The following FOXN3 variants were observed in gnomAD, a reference collection of about 807,000 sequenced individuals.
The protein encoded by FOXN3 is forkhead box N3.
In FOXN3, 7 loss-of-function variants were observed where a neutral mutation model predicts 38.4. That is an observed-to-expected ratio of 0.18 (90% CI 0.10 to 0.34). The LOEUF (loss-of-function observed/expected upper bound fraction) is 0.34. FOXN3 is among the 10% of genes least tolerant of loss of function. The pLI, the probability that FOXN3 is intolerant of heterozygous loss-of-function variation, is 1.00. For synonymous variants in FOXN3, 230 were observed against 242.2 expected, an observed-to-expected ratio of 0.95 and a Z score of 0.47; for missense variants, 456 against 613.4, an observed-to-expected ratio of 0.74 and a Z score of 2.71.
At chr14:89,539,528 C>G (rs56290060) in intron 1 of FOXN3, among the ~76,000 whole-genome samples, 1 of 152,128 alleles carries the variant, frequency 6.6e-6, no homozygotes, top group Non-Finnish European at 1.5e-5. Context: ...TAAGTAGGGT[C>G]GATAACAAAA....
At chr14:89,571,445 G>C (rs935742897) in intron 1 of FOXN3, among the ~76,000 whole-genome samples, 1 of 151,336 alleles carries the variant, frequency 6.6e-6, no homozygotes, top group Admixed American at 6.6e-5. Context: ...GGAGGTGGAG[G>C]TTGCAGCGAG....
At chr14:89,370,341 CCAGCAAGAGG>C (rs1447138402) in intron 2 of FOXN3, among the ~76,000 whole-genome samples, 33 of 152,342 alleles carry the variant, frequency 2.2e-4, no homozygotes, top group Admixed American at 1.7e-3. Context: ...AAGATCACAA[CCAGCAAGAGG>C]CAGCAAGAGG....
chr14:89,336,495 G>T (rs1425009107), intron 3 of FOXN3, among the ~76,000 whole-genome samples: 1 of 152,194 alleles, frequency 6.6e-6, no homozygotes, highest in Non-Finnish European at 1.5e-5. Context: ...TGACCACAAG[G>T]TGGCAAATTA....
chr14:89,443,511 A>G (rs1596275744), intron 1 of FOXN3, among the ~76,000 whole-genome samples: 3 of 152,352 alleles, frequency 2.0e-5, no homozygotes, highest in South Asian at 4.1e-4. Flanking sequence ...AAAAGGAAAA[A>G]TACAAATAGT....
chr14:89,245,753 T>C (rs1244091161), intron 4 of FOXN3, among the ~76,000 whole-genome samples: 1 of 152,180 alleles, frequency 6.6e-6, no homozygotes, highest in Admixed American at 6.5e-5. Context: ...AAAGTGGAGC[T>C]TATTCTATGT....
In FOXN3 at chr14:89,161,657, T is replaced by C. The variant is rs1222948515; in HGVS notation, c.*757A>G. ...CTTTTGGAACATTTTCTTAATTTAATAGAGAACAGAATTCAATGATTAGCA... is the reference window on the plus strand; with the variant it reads ...CTTTTGGAACATTTTCTTAATTTAACAGAGAACAGAATTCAATGATTAGCA... On this transcript the variant is annotated 3_prime_UTR_variant, in exon 6 of 6. Transcript: ENST00000557258. 6.6e-6 allele frequency: 1 copy of C among 152,106 alleles called. No homozygotes were observed. Among genetic ancestry groups the C allele is most frequent in the African/African-American group, 2.4e-5 (1 of 41,178 alleles). 9.4% of individuals were successfully genotyped at this position (152,106 alleles called of 1,614,324 possible).
chr14:89,268,432 C>T (rs370651828), intron 4 of FOXN3, among the ~76,000 whole-genome samples: 3 of 152,314 alleles, frequency 2.0e-5, no homozygotes, highest in East Asian at 3.9e-4. Flanking sequence ...GTGCTGTATA[C>T]TTAGTTTAAC....
chr14:89,409,823 G>A (rs1891493764), intron 2 of FOXN3, among the ~76,000 whole-genome samples: 1 of 152,114 alleles, frequency 6.6e-6, no homozygotes, highest in African/African-American at 2.4e-5. Context: ...CTCAAAAAAA[G>A]CCAAGTCCAG....
chr14:89,391,665 G>A (rs796570202), intron 2 of FOXN3, among the ~76,000 whole-genome samples: 3 of 152,268 alleles, frequency 2.0e-5, no homozygotes, highest in African/African-American at 4.8e-5. Flanking sequence ...CAGCCTGGTT[G>A]GTTGGTGCCA....
intron 1 of FOXN3, among the ~76,000 whole-genome samples, chr14:89,527,659 A>C (rs986993974): frequency 6.6e-6 from 1 of 152,306 alleles, no homozygotes; most frequent in Middle Eastern, 3.4e-3. Context: ...ATGCCAATTA[A>C]ATCTACAATG....
At chr14:89,390,778 C>T (rs756531822) in intron 2 of FOXN3, among the ~76,000 whole-genome samples, 8 of 152,124 alleles carry the variant, frequency 5.3e-5, no homozygotes, top group Non-Finnish European at 1.0e-4. Flanking sequence ...AGAGGTGCCT[C>T]GGTTGAAGTT....
At chr14:89,292,357 CA>C (rs1182423876) in intron 3 of FOXN3, among the ~76,000 whole-genome samples, 6 of 152,204 alleles carry the variant, frequency 3.9e-5, no homozygotes, top group Non-Finnish European at 8.8e-5. Context: ...CTGGCACCGA[CA>C]GCGCAGCTTC....
intron 1 of FOXN3, among the ~76,000 whole-genome samples, chr14:89,525,065 C>T (rs565935376): frequency 5.9e-5 from 9 of 152,026 alleles, no homozygotes; most frequent in African/African-American, 1.7e-4. Context: ...TATAAAAGCG[C>T]GGGGCTGGGG....
intron 2 of FOXN3, among the ~76,000 whole-genome samples, chr14:89,385,058 C>T (rs1446638423): frequency 6.6e-6 from 1 of 152,152 alleles, no homozygotes; most frequent in South Asian, 2.1e-4. Flanking sequence ...TTTGCCTTGG[C>T]TGTCAGGCAC....
rs190374341 is a variant in FOXN3 at position 89,502,060 on chromosome 14, C to T, written c.-14-89570G>A. The stretch of plus-strand genomic sequence containing the variant: ...GCATGAGCCTGTAATCCCAGCTACG[C>T]GGGAGGCCTAAGCAGGGGAATCGCT... On this transcript the variant is annotated intron_variant, in intron 1 of 6. Transcript: ENST00000345097. Among the ~76,000 whole-genome samples the T allele has an allele frequency of 4.3e-3, 650 of 150,018 alleles. 4 individuals carry two copies. The highest frequency in any genetic ancestry group is 0.015 in the African/African-American group (628 of 40,726).
At chr14:89,534,788 G>A (rs926232566) in intron 1 of FOXN3, among the ~76,000 whole-genome samples, 3 of 152,186 alleles carry the variant, frequency 2.0e-5, no homozygotes, top group African/African-American at 4.8e-5. Context: ...GTATGAGAAC[G>A]GATGCGCTAG....
intron 3 of FOXN3, among the ~76,000 whole-genome samples, chr14:89,289,181 C>CAA (rs368044925): frequency 9.5e-6 from 1 of 105,102 alleles, no homozygotes; most frequent in Non-Finnish European, 1.9e-5. Context: ...AATTCTGTCT[C>CAA]AAAAAAAAAA....
chr14:89,452,607 C>T (rs1170402810), intron 1 of FOXN3, among the ~76,000 whole-genome samples: 1 of 152,124 alleles, frequency 6.6e-6, no homozygotes, highest in African/African-American at 2.4e-5. Flanking sequence ...AAGAAGTTTC[C>T]CCAGCCCTGG....
intron 4 of FOXN3, among the ~76,000 whole-genome samples, chr14:89,195,222 C>T (rs1765324302): frequency 6.6e-6 from 1 of 152,220 alleles, no homozygotes; most frequent in South Asian, 2.1e-4. Context: ...CCAAACACCC[C>T]TCCCTTTGAT....
Sources: gnomAD v4.1 joint callset for allele counts (sites outside exome capture counted in the v4.1 genomes callset) on GRCh38, gnomAD v4.1.1 for gene constraint, MANE v1.5 for transcripts, NCBI Gene and HGNC (gene_info 2026-07-23, HGNC 2026-07-21) for gene names.